Variants in GABBR2 observed in about 807,000 individuals in gnomAD.
GABBR2 encodes G-protein coupled receptor 51.
Under a neutral mutation model 105.6 loss-of-function variants are expected in GABBR2, and 23 were observed. That is an observed-to-expected ratio of 0.22 (90% CI 0.16 to 0.31). The LOEUF is 0.31. GABBR2 is among the 10% of genes least tolerant of loss of function. The probability of loss-of-function intolerance (pLI) is 1.00; values close to 1 mark genes in which losing one functional copy is unlikely to be tolerated. For missense variants in GABBR2, 734 were observed against 1,245.5 expected (o/e 0.59, Z 6.18); for synonymous variants, 478 against 499.7 (o/e 0.96, Z 0.58).
At chr9:98,527,743 T>A (rs1442992413) in intron 3 of GABBR2, among the ~76,000 whole-genome samples, 1 of 148,888 alleles carries the variant, frequency 6.7e-6, no homozygotes, top group Non-Finnish European at 1.5e-5. Context: ...ACATGGTATA[T>A]AAAGATGTCA....
At chr9:98,589,713 T>G (rs961013553) in intron 1 of GABBR2, among the ~76,000 whole-genome samples, 2 of 140,598 alleles carry the variant, frequency 1.4e-5, no homozygotes, top group Non-Finnish European at 3.1e-5. Context: ...TTGGCTGTCT[T>G]TTTTTTTTTT....
intron 18 of GABBR2, among the ~76,000 whole-genome samples, chr9:98,293,394 C>T (rs868795913): frequency 2.0e-5 from 3 of 152,094 alleles, no homozygotes; most frequent in Non-Finnish European, 4.4e-5. Flanking sequence ...AATTTTAGTC[C>T]GTTTTCTTCA....
chr9:98,395,911 G>T (rs1354853907), intron 8 of GABBR2, among the ~76,000 whole-genome samples: 1 of 152,098 alleles, frequency 6.6e-6, no homozygotes, highest in Non-Finnish European at 1.5e-5. Flanking sequence ...ATAGTGTGCT[G>T]GATCAGTGCT....
At chr9:98,308,659 T>C (rs1428756741) in intron 14 of GABBR2, among the ~76,000 whole-genome samples, 2 of 152,008 alleles carry the variant, frequency 1.3e-5, no homozygotes, top group Non-Finnish European at 2.9e-5. Context: ...AGGCAGAAAC[T>C]AGAGTCATGC....
intron 1 of GABBR2, among the ~76,000 whole-genome samples, chr9:98,631,614 T>G (rs1244792531): frequency 6.6e-6 from 1 of 152,250 alleles, no homozygotes; most frequent in African/African-American, 2.4e-5. Flanking sequence ...TAATAGAGAC[T>G]CAGTCCACTC....
At chr9:98,481,063 T>C in intron 4 of GABBR2, 66 bp from the exon 5 acceptor site, 1 of 994,592 alleles carries the variant, frequency 1.0e-6, no homozygotes, top group Admixed American at 1.7e-5. Context: ...GGTTCAAGGC[T>C]GTGGCAGACA....
chr9:98,560,085 G>C (rs996506957), intron 2 of GABBR2, among the ~76,000 whole-genome samples: 1 of 151,748 alleles, frequency 6.6e-6, no homozygotes, highest in African/African-American at 2.4e-5. Flanking sequence ...ATATAAGGAT[G>C]GCATGGAACA....
intron 7 of GABBR2, among the ~76,000 whole-genome samples, chr9:98,434,645 C>G (rs1191713596): frequency 1.3e-5 from 2 of 152,186 alleles, no homozygotes; most frequent in African/African-American, 2.4e-5. Context: ...CCCAGTTGAC[C>G]AAGTGTGATA....
At chr9:98,473,981 T>C (rs78128839) in intron 5 of GABBR2, among the ~76,000 whole-genome samples, 1,687 of 152,358 alleles carry the variant, frequency 0.011, 35 homozygotes, top group African/African-American at 0.038. Flanking sequence ...GTGTAGTTTA[T>C]ATAAGATGCC....
chr9:98,564,027 A>G (rs1339816030), intron 2 of GABBR2, among the ~76,000 whole-genome samples: 2 of 135,598 alleles, frequency 1.5e-5, no homozygotes, highest in African/African-American at 5.0e-5. Context: ...GGAATCATTT[A>G]TTTTTTATAC....
intron 11 of GABBR2, among the ~76,000 whole-genome samples, chr9:98,382,879 A>C (rs1588132450): frequency 6.6e-6 from 1 of 152,294 alleles, no homozygotes; most frequent in Non-Finnish European, 1.5e-5. Flanking sequence ...TCACACTTCC[A>C]CTAAAACTAG....
At chr9:98,636,403 C>T (rs1204999903) in intron 1 of GABBR2, among the ~76,000 whole-genome samples, 1 of 151,632 alleles carries the variant, frequency 6.6e-6, no homozygotes, top group Non-Finnish European at 1.5e-5. Flanking sequence ...GAAACTGAAT[C>T]ATGCCCTTGG....
rs570128901 is a variant in GABBR2, at chr9:98,630,450, T to C, written c.322-52378A>G. Among the ~76,000 whole-genome samples the C allele has an allele frequency of 5.9e-5, 9 of 152,312 alleles. No homozygotes were observed. In the East Asian group the frequency reaches 1.7e-3, roughly 29 times the overall value. ...TGACTGAGAAGTGGCTGTGGATACC[T>C]GGCATCAGGTGACTGACACAGGCAT... On this transcript the variant is annotated intron_variant, in intron 1 of 18. Transcript: ENST00000259455.
intron 1 of GABBR2, among the ~76,000 whole-genome samples, chr9:98,585,356 C>T (rs1452314812): frequency 2.0e-5 from 3 of 151,440 alleles, no homozygotes; most frequent in Non-Finnish European, 2.9e-5. Context: ...ATGGATGAAG[C>T]TGGAAACCAT....
chr9:98,683,810 C>G (rs1002967641), intron 1 of GABBR2, among the ~76,000 whole-genome samples: 1 of 151,762 alleles, frequency 6.6e-6, no homozygotes, highest in Non-Finnish European at 1.5e-5. Context: ...GAGATTGAGA[C>G]CATGCTGGCT....
intron 7 of GABBR2, among the ~76,000 whole-genome samples, chr9:98,416,608 C>T (rs546993899): frequency 1.6e-4 from 25 of 152,372 alleles, no homozygotes; most frequent in Non-Finnish European, 3.4e-4. Flanking sequence ...AGCACCAGCC[C>T]TGCTATGTCC....
chr9:98,680,560 C>T (rs1830532197), intron 1 of GABBR2, among the ~76,000 whole-genome samples: 2 of 152,122 alleles, frequency 1.3e-5, no homozygotes, highest in African/African-American at 2.4e-5. Context: ...CCGCCCACCT[C>T]GGCCTCCCAA....
intron 7 of GABBR2, among the ~76,000 whole-genome samples, chr9:98,437,301 C>T (rs1235053854): frequency 6.6e-6 from 1 of 152,136 alleles, no homozygotes; most frequent in Non-Finnish European, 1.5e-5. Flanking sequence ...CAGTTACCCA[C>T]CCTTCCACCC....
intron 3 of GABBR2, among the ~76,000 whole-genome samples, chr9:98,536,594 C>G (rs977106134): frequency 6.6e-6 from 1 of 152,110 alleles, no homozygotes; most frequent in Non-Finnish European, 1.5e-5. Flanking sequence ...TGACATCACT[C>G]AGCACTCTGG....
Sources: allele counts gnomAD v4.1 joint callset (sites outside exome capture counted in the v4.1 genomes callset), GRCh38; gene constraint gnomAD v4.1.1; transcripts MANE v1.5; gene names NCBI Gene and HGNC (gene_info 2026-07-23, HGNC 2026-07-21).